Variants in PTPRQ observed in about 807,000 individuals in gnomAD.
PTPRQ encodes the protein protein tyrosine phosphatase receptor type Q.
Under a neutral mutation model 246.0 loss-of-function variants are expected in PTPRQ, and 199 were observed. That is an observed-to-expected ratio of 0.81 (90% CI 0.72 to 0.91). The LOEUF (loss-of-function observed/expected upper bound fraction) is 0.91. Ranked by LOEUF, PTPRQ falls within the 40% of genes least tolerant of loss-of-function variation. The pLI is 0.00. For missense variants in PTPRQ, 2,624 were observed against 2,528.4 expected, an observed-to-expected ratio of 1.04 and a Z score of -0.81; for synonymous variants, 869 against 853.2, an observed-to-expected ratio of 1.02 and a Z score of -0.32.
Position 80,479,636 on chromosome 12 carries a change from C to T in PTPRQ, c.1187-4797C>T, listed in dbSNP as rs1468873003. ...TGTGCTGTATTCAGGAAACCCATCT[C>T]ACGTGCAGAGACACACATAGGCTCA... On this transcript the variant is annotated intron_variant, in intron 8 of 44. Coordinates refer to ENST00000644991, the MANE Select transcript of PTPRQ (RefSeq NM_001145026.2). Among the ~76,000 whole-genome samples the T allele has an allele frequency of 4.8e-4, 68 of 140,978 alleles. No homozygotes were observed. The East Asian group carries it at 0.011, about 23-fold the overall frequency. 92.5% of individuals were successfully genotyped at this position (140,978 alleles called of 152,430 possible). A position where few individuals can be genotyped will look rare whatever the true frequency, so the allele number is the denominator to read the frequency against.
At chr12:80,602,209 A>T (rs1446972314) in intron 26 of PTPRQ, among the ~76,000 whole-genome samples, 1 of 151,820 alleles carries the variant, frequency 6.6e-6, no homozygotes, top group Non-Finnish European at 1.5e-5. Context: ...TATTTTCTAG[A>T]TTCCTGTATA....
At chr12:80,545,079 C>A (rs1177309902) in intron 23 of PTPRQ, among the ~76,000 whole-genome samples, 2 of 152,102 alleles carry the variant, frequency 1.3e-5, no homozygotes, top group Non-Finnish European at 2.9e-5. Context: ...TTATTATGCC[C>A]TCTTGGGTTC....
chr12:80,584,243 T>G (rs1897539018), intron 25 of PTPRQ: 1 of 152,150 alleles, frequency 6.6e-6, no homozygotes, highest in South Asian at 2.1e-4. Context: ...TTGAGGGATA[T>G]CTGCAGACAC....
intron 25 of PTPRQ, among the ~76,000 whole-genome samples, chr12:80,566,492 A>G (rs1896983860): frequency 1.3e-5 from 2 of 152,118 alleles, no homozygotes; most frequent in South Asian, 4.1e-4. Flanking sequence ...AAAAAAATTA[A>G]TAGCCAAATA....
chr12:80,565,537 A>C (rs892227218), intron 25 of PTPRQ, among the ~76,000 whole-genome samples: 1 of 152,160 alleles, frequency 6.6e-6, no homozygotes, highest in African/African-American at 2.4e-5. Flanking sequence ...AAGTAAATTA[A>C]GCATGTGTGT....
intron 8 of PTPRQ, among the ~76,000 whole-genome samples, chr12:80,472,541 GT>G (rs2120547926): frequency 6.6e-6 from 1 of 152,242 alleles, no homozygotes; most frequent in South Asian, 2.1e-4. Flanking sequence ...AAGTCATAAG[GT>G]AAACAAACAC....
chr12:80,536,543 A>T (rs1895993282), intron 19 of PTPRQ, among the ~76,000 whole-genome samples: 1 of 152,206 alleles, frequency 6.6e-6, no homozygotes, highest in Admixed American at 6.5e-5. Flanking sequence ...AAACTACTTT[A>T]TAAAAGACAT....
intron 8 of PTPRQ, among the ~76,000 whole-genome samples, chr12:80,479,444 G>A (rs927532434): frequency 1.7e-4 from 25 of 151,170 alleles, no homozygotes; most frequent in Admixed American, 6.6e-4. Flanking sequence ...AAAGACCATC[G>A]AGACTAGGAA....
chr12:80,552,644 AT>A (rs1565781759), intron 25 of PTPRQ, among the ~76,000 whole-genome samples: 1 of 13,496 alleles, frequency 7.4e-5, no homozygotes, highest in African/African-American at 1.4e-4. Context: ...AAAAAAAAAA[AT>A]TATATATATA....
At chr12:80,669,298 T>A (rs1900890002) in intron 40 of PTPRQ, 41 bp from the exon 41 acceptor site, 1 of 1,543,210 alleles carries the variant, frequency 6.5e-7, no homozygotes, top group Non-Finnish European at 8.7e-7. Flanking sequence ...TATATCAATA[T>A]AACAATGACG....
intron 25 of PTPRQ, among the ~76,000 whole-genome samples, chr12:80,558,118 T>TTA (rs1206498682): frequency 2.0e-4 from 11 of 55,234 alleles, no homozygotes; most frequent in African/African-American, 1.5e-3. Context: ...TTCTTTTCTT[T>TTA]CTTTCTTTTC....
At chr12:80,670,297 T>C in intron 41 of PTPRQ, 47 bp from the exon 42 acceptor site, 1 of 1,542,536 alleles carries the variant, frequency 6.5e-7, no homozygotes, top group African/African-American at 1.4e-5. Context: ...ACCTTCATTG[T>C]GGAACTTAAA....
chr12:80,477,949 G>C (rs1270913095), intron 8 of PTPRQ, among the ~76,000 whole-genome samples: 1 of 152,224 alleles, frequency 6.6e-6, no homozygotes, highest in East Asian at 1.9e-4. Context: ...AGCGAAGCTG[G>C]GTGAGGGGCG....
intron 35 of PTPRQ, among the ~76,000 whole-genome samples, chr12:80,640,164 G>A (rs1272425992): frequency 1.3e-5 from 2 of 152,098 alleles, no homozygotes; most frequent in Non-Finnish European, 2.9e-5. Context: ...TGATGAGAAT[G>A]AGTCTAAAGA....
At chr12:80,568,263 A>G (rs921459454) in intron 25 of PTPRQ, among the ~76,000 whole-genome samples, 8 of 152,218 alleles carry the variant, frequency 5.3e-5, no homozygotes, top group Non-Finnish European at 1.2e-4. Context: ...ATTTTTTTGT[A>G]TAAAAACTTA....
chr12:80,579,633 T>C (rs1048817070), intron 25 of PTPRQ, among the ~76,000 whole-genome samples: 2 of 152,206 alleles, frequency 1.3e-5, no homozygotes, highest in African/African-American at 4.8e-5. Flanking sequence ...GTTCAATAAA[T>C]GCTATTGATT....
chr12:80,520,404 C>T (rs1193875602), intron 17 of PTPRQ, among the ~76,000 whole-genome samples: 1 of 152,068 alleles, frequency 6.6e-6, no homozygotes, highest in Non-Finnish European at 1.5e-5. Flanking sequence ...TACATGTGCA[C>T]AACGTGCAGG....
chr12:80,527,539 T>A (rs970328099), intron 17 of PTPRQ, among the ~76,000 whole-genome samples: 8 of 151,714 alleles, frequency 5.3e-5, no homozygotes, highest in South Asian at 2.1e-4. Flanking sequence ...ATCCATAAAT[T>A]CCATACTTAT....
At chr12:80,520,673 C>T (rs1895451273) in intron 17 of PTPRQ, among the ~76,000 whole-genome samples, 1 of 151,944 alleles carries the variant, frequency 6.6e-6, no homozygotes, top group South Asian at 2.1e-4. Context: ...ATCCATGTCC[C>T]TACAAAGGAC....
Sources: allele counts gnomAD v4.1 joint callset (sites outside exome capture counted in the v4.1 genomes callset), GRCh38; gene constraint gnomAD v4.1.1; transcripts MANE v1.5; gene names NCBI Gene and HGNC (gene_info 2026-07-23, HGNC 2026-07-21).